Variants in GGA3 observed in about 807,000 individuals in gnomAD.
GGA3 encodes the protein ADP-ribosylation factor-binding protein GGA3.
In GGA3, 57 loss-of-function variants were observed where a neutral mutation model predicts 77.5. The ratio of observed to expected loss-of-function variants is 0.74; its 90% CI spans 0.59 to 0.92. The LOEUF (loss-of-function observed/expected upper bound fraction) is 0.92. GGA3 is among the 40% of genes least tolerant of loss of function. The pLI, the probability that GGA3 is intolerant of heterozygous loss-of-function variation, is 0.00. For synonymous variants in GGA3, 416 were observed against 383.7 expected (o/e 1.08, Z -0.98); for missense variants, 970 against 914.9 (o/e 1.06, Z -0.78).
At chr17:75,250,642 A>C (rs1410583572) in intron 1 of GGA3, among the ~76,000 whole-genome samples, 1 of 151,968 alleles carries the variant, frequency 6.6e-6, no homozygotes, top group Non-Finnish European at 1.5e-5. Context: ...ACACACCTGT[A>C]ATCTCAGCTA....
At chr17:75,248,562 G>A (rs1434045911) in intron 1 of GGA3, among the ~76,000 whole-genome samples, 2 of 150,236 alleles carry the variant, frequency 1.3e-5, no homozygotes, top group East Asian at 2.0e-4. Context: ...CGAGGCAGGC[G>A]GATCACCTGA....
chr17:75,242,944 G>A (rs754476329), intron 6 of GGA3, 33 bp from the exon 7 acceptor site: 30 of 1,572,620 alleles, frequency 1.9e-5, no homozygotes, highest in Non-Finnish European at 2.5e-5. Context: ...GTGAAGGGAA[G>A]AGGCAGCACC....
At chr17:75,249,706 C>T (rs1042847356) in intron 1 of GGA3, among the ~76,000 whole-genome samples, 2 of 152,190 alleles carry the variant, frequency 1.3e-5, no homozygotes, top group Non-Finnish European at 2.9e-5. Flanking sequence ...AACAGTCATA[C>T]ACCTTGTGAC....
At position 75,243,089 on chromosome 17, in the gene GGA3, C is replaced by T. The variant is rs1413426498; in HGVS notation, c.502G>A (p.Val168Ile). The change falls in exon 6 of 17, where the codon GTT (valine) becomes ATT (isoleucine). Residue 168 changes from valine (V) to isoleucine (I), a missense_variant. Physicochemically the swap from Val to Ile is conservative, Grantham distance 29. Transcript: ENST00000537686. ...TTGGACTTCTCCTCATCATCAAAAA[C>T]AGGGTTTTTGGGACGAGGTGGTGGA... ...PSPPPRPKNP[V>I]FDDEEKSKLL... is the part of the protein sequence containing the mutation. The T allele has an allele frequency of 6.2e-7, 1 of 1,613,358 alleles. No homozygotes were observed. Among genetic ancestry groups the T allele is most frequent in the Non-Finnish European group, 8.5e-7 (1 of 1,179,632 alleles).
rs368037576 is a variant in GGA3 at position 75,261,602 on chromosome 17, G to A, written c.-15C>T. The A allele has an allele frequency of 6.2e-5, 96 of 1,541,086 alleles. 1 individual carries two copies. The highest frequency in any genetic ancestry group is 7.3e-5 in the Non-Finnish European group (84 of 1,144,132). ...GCCTCCGCCATATTGCAGCCGCCCG[G>A]CCCCGCGGCTTCAAAACTCGCGAGA... On this transcript the variant is annotated 5_prime_UTR_variant, in exon 1 of 17. Transcript: ENST00000537686.
chr17:75,248,825 A>AC (rs745589324), intron 1 of GGA3: 458,471 of 931,708 alleles, frequency 0.49, 121,600 homozygotes, highest in Non-Finnish European at 0.53. Context: ...ACAAAACAAA[A>AC]AAAAAAAAAC....
At chr17:75,254,888 G>A (rs1015504571) in intron 1 of GGA3, among the ~76,000 whole-genome samples, 4 of 152,122 alleles carry the variant, frequency 2.6e-5, no homozygotes, top group African/African-American at 4.8e-5. Context: ...AGGAATGCCC[G>A]CAGCCCGGGA....
chr17:75,256,577 G>A lies in GGA3; in HGVS notation c.40+4971C>T, dbSNP rs1026302195. Among the ~76,000 whole-genome samples the A allele has an allele frequency of 2.6e-4, 39 of 151,950 alleles. 1 individual carries two copies. The highest frequency in any genetic ancestry group is 8.2e-4 in the African/African-American group (34 of 41,422). On this transcript the variant is annotated intron_variant, in intron 1 of 16. Coordinates refer to ENST00000537686, the MANE Select transcript of GGA3 (RefSeq NM_138619.4). ...GATGGCAGTTCCAGCAGGCCTAATC[G>A]CCACACAGCAGCAAAGGCAGGCTAT...
chr17:75,246,805 A>G lies in GGA3; in HGVS notation c.41-9T>C, dbSNP rs1567792814. On this transcript the variant is annotated splice_polypyrimidine_tract_variant and intron_variant, in intron 1 of 16. Transcript: ENST00000537686. Reference sequence around the variant, plus strand: ...AGGATTGGTGGCTTTATCTTGCAACACAACAAAGAAGAGGACAAGTGTTAG... The same window carrying G: ...AGGATTGGTGGCTTTATCTTGCAACGCAACAAAGAAGAGGACAAGTGTTAG... 3.1e-6 allele frequency: 5 copies of G among 1,606,362 alleles called. No individual in the cohort carries two copies. The highest frequency in any genetic ancestry group is 4.3e-6 in the Non-Finnish European group (5 of 1,176,130).
In GGA3 at chr17:75,238,334, G is replaced by C. The variant is rs766160727; in HGVS notation, c.2117C>G (p.Thr706Arg). 6.2e-7 allele frequency: 1 copy of C among 1,613,894 alleles called. No individual in the cohort carries two copies. Among genetic ancestry groups the C allele is most frequent in the Non-Finnish European group, 8.5e-7 (1 of 1,179,972 alleles). ...LTFALGEQLS[T>R]EVGEVDQFPP... is the part of the protein sequence containing the mutation. ...GAACTGGTCCACCTCGCCCACCTCT[G>C]TGCTCAGCTGCTCCCCCAGGGCGAA... The change falls in exon 17 of 17, where the codon ACA becomes AGA. Residue 706 changes from threonine (T) to arginine (R), a missense_variant. Thr to Arg is a moderately conservative substitution (Grantham distance 71). Coordinates refer to ENST00000537686, the MANE Select transcript of GGA3 (RefSeq NM_138619.4).
intron 1 of GGA3, among the ~76,000 whole-genome samples, chr17:75,251,431 G>C (rs2076962119): frequency 6.6e-6 from 1 of 151,996 alleles, no homozygotes; most frequent in Non-Finnish European, 1.5e-5. Flanking sequence ...GTATGGCCCA[G>C]GCACGGTGGC....
intron 1 of GGA3, chr17:75,248,928 G>A (rs1229615388): frequency 2.0e-6 from 2 of 985,224 alleles, no homozygotes; most frequent in East Asian, 1.1e-4. Context: ...CTGCCAGGCA[G>A]AGGGAAGGCC....
chr17:75,253,271 T>C (rs1598435441), intron 1 of GGA3, among the ~76,000 whole-genome samples: 1 of 152,352 alleles, frequency 6.6e-6, no homozygotes, highest in South Asian at 2.1e-4. Flanking sequence ...CTTTCCACTC[T>C]TCAATCTCTC....
chr17:75,245,707 TAG>T (rs2076731956), intron 3 of GGA3, among the ~76,000 whole-genome samples: 1 of 152,040 alleles, frequency 6.6e-6, no homozygotes, highest in South Asian at 2.1e-4. Flanking sequence ...TTATTTTTTG[TAG>T]AGACAATGTC....
chr17:75,239,886 C>T lies in GGA3; in HGVS notation c.1486G>A (p.Val496Ile). ...TGGTGCCCAGGGACTGCGGGCTCAA[C>T]TTTTGGGGCCAAGGCTGGGGCCACT... ...TGVAPALAPK[V>I]EPAVPGHHGL... is the part of the protein sequence containing the mutation. The change falls in exon 13 of 17, where the codon GTT (valine) becomes ATT (isoleucine). Residue 496 changes from valine (V) to isoleucine (I), a missense_variant. By Grantham distance (29) the Val-to-Ile change is conservative (BLOSUM62 3). Transcript: ENST00000537686. The T allele has an allele frequency of 6.2e-7, 1 of 1,613,896 alleles. No homozygotes were observed. The highest frequency in any genetic ancestry group is 8.5e-7 in the Non-Finnish European group (1 of 1,179,916).
intron 3 of GGA3, among the ~76,000 whole-genome samples, chr17:75,245,260 G>A (rs1195772703): frequency 6.6e-6 from 1 of 152,174 alleles, no homozygotes; most frequent in Non-Finnish European, 1.5e-5. Context: ...GTTTCTAAGG[G>A]GGAGTGCACT....
rs1259620150 is a variant in GGA3, at chr17:75,239,772, C to T, written c.1583+17G>A. The T allele has an allele frequency of 6.2e-7, 1 of 1,612,558 alleles. No homozygotes were observed. Among genetic ancestry groups the T allele is most frequent in the African/African-American group, 1.3e-5 (1 of 74,908 alleles). Reference sequence around the variant, plus strand: ...GGCCCAACCCTCAGCAACCCCACATCTCCTCCCACTCATTACACTTTGGCC... The same window carrying T: ...GGCCCAACCCTCAGCAACCCCACATTTCCTCCCACTCATTACACTTTGGCC... On this transcript the variant is annotated intron_variant, in intron 13 of 16. Transcript: ENST00000537686.
At chr17:75,254,306 C>T (rs956677633) in intron 1 of GGA3, among the ~76,000 whole-genome samples, 9 of 152,134 alleles carry the variant, frequency 5.9e-5, no homozygotes, top group Non-Finnish European at 1.3e-4. Flanking sequence ...TTATCACCTC[C>T]CCTCCTCACA....
chr17:75,240,542 A>T, intron 11 of GGA3, 130 bp from the exon 12 acceptor site: 1 of 692,298 alleles, frequency 1.4e-6, no homozygotes, highest in Non-Finnish European at 2.5e-6. Context: ...GCTGTTCTGC[A>T]GGCAGCCTCC....
Sources: allele counts gnomAD v4.1 joint callset (sites outside exome capture counted in the v4.1 genomes callset), GRCh38; gene constraint gnomAD v4.1.1; transcripts MANE v1.5; gene names NCBI Gene and HGNC (gene_info 2026-07-23, HGNC 2026-07-21).